The following CLMP variants were observed in gnomAD, a reference collection of about 807,000 sequenced individuals.
CLMP encodes CXADR-like membrane protein.
Under a neutral mutation model 45.2 loss-of-function variants are expected in CLMP, and 27 were observed. That is an observed-to-expected ratio of 0.60 (90% CI 0.44 to 0.82). CLMP has a LOEUF of 0.82. CLMP is among the 40% of genes least tolerant of loss of function. CLMP has a pLI of 0.00. For synonymous variants in CLMP, 167 were observed against 171.4 expected, an observed-to-expected ratio of 0.97 and a Z score of 0.20; for missense variants, 403 against 448.4, an observed-to-expected ratio of 0.90 and a Z score of 0.91.
intron 5 of CLMP, among the ~76,000 whole-genome samples, chr11:123,075,344 A>G (rs1163613790): frequency 5.9e-5 from 9 of 152,040 alleles, no homozygotes; most frequent in Admixed American, 5.9e-4. Context: ...AGTTGTAGTT[A>G]CTGAATCACA....
intron 1 of CLMP, among the ~76,000 whole-genome samples, chr11:123,144,600 C>A (rs1337403244): frequency 6.6e-6 from 1 of 152,156 alleles, no homozygotes; most frequent in Non-Finnish European, 1.5e-5. Flanking sequence ...GAACTCCCGA[C>A]CTCAGGTGAT....
intron 5 of CLMP, among the ~76,000 whole-genome samples, chr11:123,075,678 C>T (rs1865731121): frequency 6.6e-6 from 1 of 152,016 alleles, no homozygotes; most frequent in Admixed American, 6.6e-5. Flanking sequence ...TGAGCCACCG[C>T]GCGCAACCAA....
chr11:123,109,644 C>G (rs1860610823), intron 1 of CLMP, among the ~76,000 whole-genome samples: 1 of 152,104 alleles, frequency 6.6e-6, no homozygotes, highest in African/African-American at 2.4e-5. Flanking sequence ...GATTCTGACC[C>G]AAAGCAAGAA....
At chr11:123,083,051 G>GA (rs768799244) in intron 5 of CLMP, 34 bp downstream of exon 5, 11 of 1,610,654 alleles carry the variant, frequency 6.8e-6, no homozygotes, top group Non-Finnish European at 9.3e-6. Context: ...AAAACAAACA[G>GA]AAAAATGAAA....
At chr11:123,097,697 C>T in intron 2 of CLMP, 98 bp downstream of exon 2, 1 of 943,896 alleles carries the variant, frequency 1.1e-6, no homozygotes, top group Non-Finnish European at 1.6e-6. Flanking sequence ...AAAGGAACTC[C>T]AGCTCTTTCA....
At chr11:123,158,427 C>G (rs557668465) in intron 1 of CLMP, among the ~76,000 whole-genome samples, 18 of 152,302 alleles carry the variant, frequency 1.2e-4, no homozygotes, top group Non-Finnish European at 1.9e-4. Flanking sequence ...GAGTGCCAGT[C>G]TCCTCCAATG....
intron 1 of CLMP, among the ~76,000 whole-genome samples, chr11:123,129,466 ATG>A: frequency 7.2e-6 from 1 of 138,598 alleles, no homozygotes; most frequent in Admixed American, 7.8e-5. Context: ...AATATATCAT[ATG>A]ATATATTATA....
At chr11:123,139,495 C>G (rs1317688378) in intron 1 of CLMP, among the ~76,000 whole-genome samples, 2 of 152,130 alleles carry the variant, frequency 1.3e-5, no homozygotes, top group Admixed American at 6.6e-5. Flanking sequence ...TGGGCTGGAT[C>G]TCTAAGCTTC....
At chr11:123,076,218 A>G (rs1865738904) in intron 5 of CLMP, among the ~76,000 whole-genome samples, 1 of 152,184 alleles carries the variant, frequency 6.6e-6, no homozygotes, top group South Asian at 2.1e-4. Flanking sequence ...TATAACCTAT[A>G]ATGTTAGACT....
chr11:123,149,762 A>G (rs1861286039), intron 1 of CLMP, among the ~76,000 whole-genome samples: 4 of 150,814 alleles, frequency 2.7e-5, no homozygotes, highest in African/African-American at 4.9e-5. Context: ...GAGGTCCTCA[A>G]AAGGTTTTCT....
intron 2 of CLMP, among the ~76,000 whole-genome samples, chr11:123,088,979 T>C (rs1229464362): frequency 6.6e-6 from 1 of 152,196 alleles, no homozygotes; most frequent in East Asian, 1.9e-4. Flanking sequence ...TCTTGAAATA[T>C]ATATTTGAAT....
At chr11:123,082,949 G>T in intron 5 of CLMP, 136 bp downstream of exon 5, 1 of 1,008,876 alleles carries the variant, frequency 9.9e-7, no homozygotes, top group Non-Finnish European at 1.5e-6. Context: ...AATTTATTTT[G>T]GTGATAGCCA....
At chr11:123,142,492 C>T (rs1312064298) in intron 1 of CLMP, among the ~76,000 whole-genome samples, 1 of 152,094 alleles carries the variant, frequency 6.6e-6, no homozygotes, top group Non-Finnish European at 1.5e-5. Context: ...AGTGGGAAAC[C>T]TATAGTAAGC....
At chr11:123,076,817 A>G (rs1865745779) in intron 5 of CLMP, among the ~76,000 whole-genome samples, 1 of 152,112 alleles carries the variant, frequency 6.6e-6, no homozygotes, top group South Asian at 2.1e-4. Flanking sequence ...GCTCTAGGGA[A>G]AATAAATAGT....
intron 1 of CLMP, among the ~76,000 whole-genome samples, chr11:123,127,680 C>G (rs142816903): frequency 0.014 from 2,061 of 152,200 alleles, 25 homozygotes; most frequent in Non-Finnish European, 0.021. Context: ...AATCACAGAC[C>G]AGTACCACTC....
chr11:123,139,089 T>C (rs1429031606), intron 1 of CLMP, among the ~76,000 whole-genome samples: 8 of 152,156 alleles, frequency 5.3e-5, no homozygotes, highest in Non-Finnish European at 7.3e-5. Context: ...CATTCATTTA[T>C]GTATGGTGTA....
intron 1 of CLMP, among the ~76,000 whole-genome samples, chr11:123,182,718 C>T (rs2135548708): frequency 1.3e-5 from 2 of 152,296 alleles, no homozygotes; most frequent in East Asian, 1.9e-4. Context: ...AGCCCGACCT[C>T]GGCAAAAGGG....
chr11:123,159,854 T>G (rs1224685286), intron 1 of CLMP, among the ~76,000 whole-genome samples: 1 of 152,208 alleles, frequency 6.6e-6, no homozygotes, highest in African/African-American at 2.4e-5. Context: ...GTATCAATTT[T>G]TTTGGTTTAC....
At chr11:123,150,402 A>C (rs1472260546) in intron 1 of CLMP, among the ~76,000 whole-genome samples, 1 of 144,402 alleles carries the variant, frequency 6.9e-6, no homozygotes, top group Non-Finnish European at 1.5e-5. Flanking sequence ...GATGAACAAA[A>C]GAAGGAAGGA....
Sources: gnomAD v4.1 joint callset for allele counts (sites outside exome capture counted in the v4.1 genomes callset) on GRCh38, gnomAD v4.1.1 for gene constraint, MANE v1.5 for transcripts, NCBI Gene and HGNC (gene_info 2026-07-23, HGNC 2026-07-21) for gene names.